The following SKI variants were observed in gnomAD, a reference collection of about 807,000 sequenced individuals.
SKI encodes the protein SKI proto-oncogene.
Under a neutral mutation model 59.3 loss-of-function variants are expected in SKI, and 23 were observed. The observed-to-expected ratio is 0.39, with a 90% CI of 0.28 to 0.55. The LOEUF (loss-of-function observed/expected upper bound fraction) is 0.55. Among genes scored for constraint, SKI ranks in the 20% least tolerant of loss-of-function variants. The pLI is 0.67. For synonymous variants in SKI, 673 were observed against 488.6 expected (o/e 1.38, Z -4.98); for missense variants, 1,017 against 1,038.9 (o/e 0.98, Z 0.29).
chr1:2,284,833 G>A (rs1639999821), intron 1 of SKI, among the ~76,000 whole-genome samples: 2 of 152,220 alleles, frequency 1.3e-5, no homozygotes, highest in Non-Finnish European at 1.5e-5. Context: ...CCCGGTGGCT[G>A]GAGAGTGAGA....
At chr1:2,248,585 A>C (rs1639048506) in intron 1 of SKI, among the ~76,000 whole-genome samples, 1 of 152,004 alleles carries the variant, frequency 6.6e-6, no homozygotes, top group Non-Finnish European at 1.5e-5. Context: ...CTTTGACCTG[A>C]GGCGGGGCGG....
In SKI at chr1:2,307,562, C is replaced by G. The variant is rs1363403424; in HGVS notation, c.*797C>G. ...TCGGGTGGTGACCGTGGCTGGCGGTCACGCCCTCAGCCCCTCCGGGCACAC... is the reference window on the plus strand; with the variant it reads ...TCGGGTGGTGACCGTGGCTGGCGGTGACGCCCTCAGCCCCTCCGGGCACAC... On this transcript the variant is annotated 3_prime_UTR_variant, in exon 7 of 7. Transcript: ENST00000378536. 3 of 152,418 alleles carry G rather than the reference C, an allele frequency of 2.0e-5. No individual in the cohort carries two copies. The highest frequency in any genetic ancestry group is 2.9e-5 in the Non-Finnish European group (2 of 68,054). 9.4% of individuals were successfully genotyped at this position (152,418 alleles called of 1,614,324 possible).
chr1:2,297,434 G>A (rs1168049190), intron 1 of SKI, among the ~76,000 whole-genome samples: 2 of 152,204 alleles, frequency 1.3e-5, no homozygotes, highest in South Asian at 2.1e-4. Flanking sequence ...CGCTGTGGGC[G>A]GCCTCTTGGG....
chr1:2,304,718 T>C, intron 5 of SKI, 133 bp downstream of exon 5: 1 of 1,393,142 alleles, frequency 7.2e-7, no homozygotes, highest in Non-Finnish European at 9.4e-7. Context: ...TCCACCTCAG[T>C]GGGCCTGCCT....
intron 1 of SKI, among the ~76,000 whole-genome samples, chr1:2,291,521 C>T (rs1640162086): frequency 6.6e-6 from 1 of 152,242 alleles, no homozygotes; most frequent in Non-Finnish European, 1.5e-5. Context: ...AGACCGAGGT[C>T]CCAGGAGAAC....
chr1:2,308,207 C>G lies in SKI; in HGVS notation c.*1442C>G, dbSNP rs1228091917. On this transcript the variant is annotated 3_prime_UTR_variant, in exon 7 of 7. Transcript: ENST00000378536. Reference sequence around the variant, plus strand: ...TTGCTTGAATCCGTTCTAACACCCGCGGCAGCTGCACGCGCTCACAGAAGG... The same window carrying G: ...TTGCTTGAATCCGTTCTAACACCCGGGGCAGCTGCACGCGCTCACAGAAGG... 1.3e-5 allele frequency: 2 copies of G among 152,174 alleles called. No homozygotes were observed. Among genetic ancestry groups the G allele is most frequent in the African/African-American group, 4.8e-5 (2 of 41,428 alleles). The allele number at this position is 152,174 out of a possible 1,614,324, so 9.4% of individuals were successfully genotyped here. A position where few individuals can be genotyped will look rare whatever the true frequency, so the allele number is the denominator to read the frequency against.
At chr1:2,244,451 G>C (rs1324676665) in intron 1 of SKI, among the ~76,000 whole-genome samples, 1 of 152,122 alleles carries the variant, frequency 6.6e-6, no homozygotes, top group East Asian at 1.9e-4. Context: ...GTGGTGGTGT[G>C]CACCTGTAGT....
chr1:2,259,116 G>T (rs765087248), intron 1 of SKI, among the ~76,000 whole-genome samples: 1 of 152,238 alleles, frequency 6.6e-6, no homozygotes, highest in African/African-American at 2.4e-5. Flanking sequence ...CAAGTTCCCA[G>T]ATGACATGGT....
chr1:2,302,500 T>G (rs1640449419), intron 1 of SKI, among the ~76,000 whole-genome samples: 1 of 152,114 alleles, frequency 6.6e-6, no homozygotes. Flanking sequence ...CCCAGACGCA[T>G]CCGTCGTGAG....
At chr1:2,256,922 C>T (rs1028731756) in intron 1 of SKI, among the ~76,000 whole-genome samples, 1 of 152,210 alleles carries the variant, frequency 6.6e-6, no homozygotes, top group South Asian at 2.1e-4. Context: ...CCCCGATCTT[C>T]GGGATGGTGC....
intron 1 of SKI, among the ~76,000 whole-genome samples, chr1:2,243,355 G>A (rs896341264): frequency 6.6e-6 from 1 of 152,260 alleles, no homozygotes; most frequent in African/African-American, 2.4e-5. Flanking sequence ...CCTCGGCAGG[G>A]GGCCGCCATC....
At chr1:2,244,570 ACT>A (rs766449126) in intron 1 of SKI, among the ~76,000 whole-genome samples, 20 of 152,162 alleles carry the variant, frequency 1.3e-4, no homozygotes, top group East Asian at 1.9e-4. Context: ...ACAGAGCGAG[ACT>A]CTGTCTCAAA....
At chr1:2,233,229 G>T (rs1638681004) in intron 1 of SKI, among the ~76,000 whole-genome samples, 1 of 143,816 alleles carries the variant, frequency 7.0e-6, no homozygotes, top group Non-Finnish European at 1.5e-5. Flanking sequence ...TTCCAACAGG[G>T]CTGGTGGGGG....
chr1:2,259,490 A>G (rs1408308440), intron 1 of SKI, among the ~76,000 whole-genome samples: 6 of 152,226 alleles, frequency 3.9e-5, no homozygotes, highest in Non-Finnish European at 8.8e-5. Flanking sequence ...TATAGATCAA[A>G]TGAAGCCTGG....
intron 1 of SKI, among the ~76,000 whole-genome samples, chr1:2,240,007 A>T (rs1199916541): frequency 6.6e-6 from 1 of 152,168 alleles, no homozygotes; most frequent in African/African-American, 2.4e-5. Context: ...TTCCCAGCTG[A>T]ACGTCGTTAT....
Position 2,295,396 on chromosome 1 carries a change from A to G in SKI, c.970-7582A>G, listed in dbSNP as rs182006895. 4.6e-5 allele frequency among the ~76,000 whole-genome samples: 7 copies of G among 152,368 alleles called. No homozygotes were observed. In the East Asian group the frequency reaches 1.3e-3, roughly 29 times the overall value. On this transcript the variant is annotated intron_variant, in intron 1 of 6. Coordinates refer to ENST00000378536, the MANE Select transcript of SKI (RefSeq NM_003036.4). ...TTTTGATTTTTAAAATTAAGACTGT[A>G]TTCAGATATAATTTGCGTACCATAA...
intron 1 of SKI, among the ~76,000 whole-genome samples, chr1:2,233,752 G>A (rs894579436): frequency 3.9e-5 from 6 of 152,178 alleles, no homozygotes; most frequent in Non-Finnish European, 8.8e-5. Context: ...GTGGAGGCCA[G>A]GAAGGGGTTG....
At chr1:2,290,588 G>A (rs1307463619) in intron 1 of SKI, among the ~76,000 whole-genome samples, 1 of 152,224 alleles carries the variant, frequency 6.6e-6, no homozygotes, top group Non-Finnish European at 1.5e-5. Context: ...CTCCCCCAGA[G>A]TTTTCTGTGC....
At chr1:2,306,529 G>A (rs1640586795) in intron 6 of SKI, 48 bp from the exon 7 acceptor site, 3 of 1,519,012 alleles carry the variant, frequency 2.0e-6, no homozygotes, top group South Asian at 2.4e-5. Context: ...GCGTCGGGCC[G>A]GGGCAGGGCA....
Sources: gnomAD v4.1 joint callset for allele counts (sites outside exome capture counted in the v4.1 genomes callset) on GRCh38, gnomAD v4.1.1 for gene constraint, MANE v1.5 for transcripts, NCBI Gene and HGNC (gene_info 2026-07-23, HGNC 2026-07-21) for gene names.